The following RBPJ variants were observed in gnomAD, a reference collection of about 807,000 sequenced individuals.
RBPJ encodes recombination signal binding protein for immunoglobulin kappa J region.
A neutral mutation model predicts 67.8 loss-of-function variants in RBPJ; 9 were observed. The observed-to-expected ratio is 0.13, with a 90% CI of 0.08 to 0.23. The LOEUF (loss-of-function observed/expected upper bound fraction) is 0.23. RBPJ is among the 10% of genes least tolerant of loss of function. The pLI is 1.00. For missense variants in RBPJ, 305 were observed against 595.6 expected, an observed-to-expected ratio of 0.51 and a Z score of 5.08; for synonymous variants, 198 against 203.3, an observed-to-expected ratio of 0.97 and a Z score of 0.22.
intron 1 of RBPJ, among the ~76,000 whole-genome samples, chr4:26,294,355 C>T (rs1202710954): frequency 6.6e-6 from 1 of 152,260 alleles, no homozygotes; most frequent in South Asian, 2.1e-4. Flanking sequence ...CCTTGGCCTC[C>T]CAAAGTGCTG....
upstream of RBPJ, among the ~76,000 whole-genome samples, chr4:26,160,850 G>C (rs1468178613): frequency 6.6e-6 from 1 of 152,190 alleles, no homozygotes; most frequent in Admixed American, 6.5e-5. Context: ...GATATTATCA[G>C]ACAGATCCCA....
chr4:26,365,195 T>A (rs914454581), intron 1 of RBPJ, among the ~76,000 whole-genome samples: 20 of 150,048 alleles, frequency 1.3e-4, no homozygotes, highest in African/African-American at 4.9e-4. Context: ...CCAGATTAGA[T>A]TTTTTTTTGT....
At chr4:26,155,172 T>G in the RBPJ span, among the ~76,000 whole-genome samples, 118 of 152,348 alleles carry the variant, frequency 7.7e-4, 1 homozygote, top group African/African-American at 2.6e-3. Flanking sequence ...CTTGTATGCA[T>G]TAATCCCAAC....
chr4:26,242,872 C>T (rs528376285), intron 1 of RBPJ, among the ~76,000 whole-genome samples: 4 of 152,238 alleles, frequency 2.6e-5, no homozygotes, highest in African/African-American at 9.6e-5. Flanking sequence ...GTGCTGCATG[C>T]TGAAATATGA....
intron 1 of RBPJ, among the ~76,000 whole-genome samples, chr4:26,228,117 A>C (rs1042854858): frequency 6.6e-6 from 1 of 152,180 alleles, no homozygotes; most frequent in African/African-American, 2.4e-5. Context: ...TCTGGAAGGG[A>C]GGTCTGGACA....
At chr4:26,346,378 G>A (rs1272029551) in intron 1 of RBPJ, among the ~76,000 whole-genome samples, 4 of 152,302 alleles carry the variant, frequency 2.6e-5, no homozygotes, top group South Asian at 2.1e-4. Context: ...CAGGTATGAC[G>A]TTTACAGCGG....
chr4:26,139,470 G>A, the RBPJ span, among the ~76,000 whole-genome samples: 1 of 152,228 alleles, frequency 6.6e-6, no homozygotes, highest in Non-Finnish European at 1.5e-5. Flanking sequence ...TGGCATGCGG[G>A]CTCCCAGCTG....
the RBPJ span, among the ~76,000 whole-genome samples, chr4:26,118,472 T>C: frequency 6.6e-6 from 1 of 152,284 alleles, no homozygotes; most frequent in South Asian, 2.1e-4. Flanking sequence ...TGCTACCTCC[T>C]CTCCAGGACT....
intron 1 of RBPJ, among the ~76,000 whole-genome samples, chr4:26,253,242 AT>A (rs1217980650): frequency 1.3e-5 from 2 of 152,180 alleles, no homozygotes; most frequent in Non-Finnish European, 2.9e-5. Flanking sequence ...AAATGCAAAA[AT>A]ATAAACAAAA....
intron 1 of RBPJ, among the ~76,000 whole-genome samples, chr4:26,185,353 CAGTGGCA>C (rs1717202995): frequency 6.6e-6 from 1 of 152,072 alleles, no homozygotes; most frequent in African/African-American, 2.4e-5. Flanking sequence ...ATTTGGAAGA[CAGTGGCA>C]AGAGATGGAA....
At chr4:26,305,726 G>A (rs1722210527) in intron 1 of RBPJ, among the ~76,000 whole-genome samples, 1 of 147,888 alleles carries the variant, frequency 6.8e-6, no homozygotes, top group African/African-American at 2.5e-5. Context: ...ATGTGTTAGT[G>A]GTACAGATAA....
chr4:26,344,810 A>G (rs535313016), intron 1 of RBPJ, among the ~76,000 whole-genome samples: 1 of 152,234 alleles, frequency 6.6e-6, no homozygotes, highest in South Asian at 2.1e-4. Flanking sequence ...TAGAGTGTAT[A>G]TTTGCAAATC....
At chr4:26,130,259 A>G in the RBPJ span, among the ~76,000 whole-genome samples, 2 of 152,200 alleles carry the variant, frequency 1.3e-5, no homozygotes, top group Non-Finnish European at 1.5e-5. Flanking sequence ...TTAGGCCAGC[A>G]CATAGTTCAC....
chr4:26,222,585 A>T (rs1053901534), intron 1 of RBPJ, among the ~76,000 whole-genome samples: 13 of 148,526 alleles, frequency 8.8e-5, no homozygotes, highest in African/African-American at 3.2e-4. Context: ...AAATGTATCA[A>T]ATTATCATAT....
rs1056146607 is a variant in RBPJ at position 26,431,573 on chromosome 4, C to G, written c.*566C>G. The stretch of plus-strand genomic sequence containing the variant: ...TCCTTGTTTAATCTATCATACTCTT[C>G]CAGGTTTTTTTTTTTTGGTCTAAGG... On this transcript the variant is annotated 3_prime_UTR_variant, in exon 11 of 11. Transcript: ENST00000355476. The G allele has an allele frequency of 1.3e-5, 2 of 151,952 alleles. No individual in the cohort carries two copies. Among genetic ancestry groups the G allele is most frequent in the Non-Finnish European group, 2.9e-5 (2 of 67,972 alleles). The allele number at this position is 151,952 out of a possible 1,614,324, so 9.4% of individuals were successfully genotyped here. A position where few individuals can be genotyped will look rare whatever the true frequency, so the allele number is the denominator to read the frequency against.
chr4:26,161,169 T>C (rs1019913010), upstream of RBPJ, among the ~76,000 whole-genome samples: 1 of 152,216 alleles, frequency 6.6e-6, no homozygotes, highest in Non-Finnish European at 1.5e-5. Context: ...CTCCCACAGG[T>C]TGCTGCCACC....
In RBPJ at chr4:26,420,548, C is replaced by T. The variant is rs1176034703; in HGVS notation, c.322-3C>T. On this transcript the variant is annotated splice_region_variant and splice_polypyrimidine_tract_variant and intron_variant, in intron 4 of 10. Coordinates refer to ENST00000355476, the MANE Select transcript of RBPJ (RefSeq NM_015874.6). ...CTGTTAAAACTTTACTTTTCTTTCA[C>T]AGAACTATTGCACAGCCAAAACATT... 2 of 1,580,918 alleles carry T rather than the reference C, an allele frequency of 1.3e-6. No individual in the cohort carries two copies. The highest frequency in any genetic ancestry group is 1.7e-6 in the Non-Finnish European group (2 of 1,164,402).
chr4:26,219,121 C>A (rs1458306838), intron 1 of RBPJ, among the ~76,000 whole-genome samples: 1 of 152,068 alleles, frequency 6.6e-6, no homozygotes, highest in Non-Finnish European at 1.5e-5. Flanking sequence ...AAAAATGAGT[C>A]AAAGGGAAAT....
intron 1 of RBPJ, among the ~76,000 whole-genome samples, chr4:26,344,743 C>T (rs934105690): frequency 6.6e-6 from 1 of 152,084 alleles, no homozygotes; most frequent in African/African-American, 2.4e-5. Context: ...AATCCTGCTC[C>T]CCACCCCACC....
Sources: gnomAD v4.1 joint callset for allele counts (sites outside exome capture counted in the v4.1 genomes callset) on GRCh38, gnomAD v4.1.1 for gene constraint, MANE v1.5 for transcripts, NCBI Gene and HGNC (gene_info 2026-07-23, HGNC 2026-07-21) for gene names.